The following PCDHGA4 variants were observed in gnomAD, a reference collection of about 807,000 sequenced individuals.
The protein encoded by PCDHGA4 is protocadherin gamma subfamily A, 4.
In PCDHGA4, 38 loss-of-function variants were observed where a neutral mutation model predicts 54.6. That is an observed-to-expected ratio of 0.70 (90% CI 0.54 to 0.91). The LOEUF (loss-of-function observed/expected upper bound fraction) is 0.91, where lower values mean the gene tolerates loss of function less well. Ranked by LOEUF, PCDHGA4 falls within the 40% of genes least tolerant of loss-of-function variation. The pLI is 0.00. For synonymous variants in PCDHGA4, 511 were observed against 512.9 expected, an observed-to-expected ratio of 1.00 and a Z score of 0.05; for missense variants, 1,298 against 1,220.9, an observed-to-expected ratio of 1.06 and a Z score of -0.94.
Position 141,410,699 on chromosome 5 carries a change from A to C in PCDHGA4, c.2514+53078A>C, listed in dbSNP as rs760193148. On this transcript the variant is annotated intron_variant, in intron 1 of 3. Transcript: ENST00000571252. ...ATTTTAGGCATACTACTTTATTTTC[A>C]TATCTAGAATCATATGTTTAAAATC... The C allele has an allele frequency of 2.0e-6, 3 of 1,478,344 alleles. No homozygotes were observed. In the South Asian group the frequency reaches 4.0e-5, roughly 20 times the overall value. The allele number at this position is 1,478,344 out of a possible 1,614,324, so 91.6% of individuals were successfully genotyped here. A position where few individuals can be genotyped will look rare whatever the true frequency, so the allele number is the denominator to read the frequency against.
chr5:141,423,004 G>T lies in PCDHGA4; in HGVS notation c.2514+65383G>T, dbSNP rs1206727312. 2 of 1,614,116 alleles carry T rather than the reference G, an allele frequency of 1.2e-6. No individual in the cohort carries two copies. Among genetic ancestry groups the T allele is most frequent in the African/African-American group, 1.3e-5 (1 of 74,958 alleles). ...ACCTGGCTACCTGGTGACCAAGGTG[G>T]TTGCGGTGGACAAAGATTCAGGCCA... On this transcript the variant is annotated intron_variant, in intron 1 of 3. Transcript: ENST00000571252.
At chr5:141,428,102 G>A (rs774075619) in intron 1 of PCDHGA4, 1 of 1,608,518 alleles carries the variant, frequency 6.2e-7, no homozygotes, top group Non-Finnish European at 8.5e-7. Context: ...CCTACCACGT[G>A]CTGCAGGCCA....
At chr5:141,387,000 C>T (rs1211654185) in intron 1 of PCDHGA4, among the ~76,000 whole-genome samples, 7 of 152,118 alleles carry the variant, frequency 4.6e-5, no homozygotes, top group African/African-American at 1.7e-4. Flanking sequence ...TATTATCCCC[C>T]TGATAACTTT....
intron 1 of PCDHGA4, chr5:141,366,682 C>A: frequency 6.2e-7 from 1 of 1,614,238 alleles, no homozygotes; most frequent in Non-Finnish European, 8.5e-7. Flanking sequence ...GTGAAGAGAG[C>A]TGTGAGAAAA....
chr5:141,365,709 C>G (rs1476757852), intron 1 of PCDHGA4: 2 of 1,613,646 alleles, frequency 1.2e-6, no homozygotes, highest in African/African-American at 2.7e-5. Context: ...TACTCCACCT[C>G]TGTCACAGAA....
At chr5:141,423,745 C>A (rs561499055) in intron 1 of PCDHGA4, 2 of 605,688 alleles carry the variant, frequency 3.3e-6, no homozygotes, top group Non-Finnish European at 4.0e-6. Context: ...GTTATGAAAA[C>A]TGTTTGGGGG....
chr5:141,405,016 C>A (rs538744733), intron 1 of PCDHGA4: 1 of 1,614,006 alleles, frequency 6.2e-7, no homozygotes, highest in African/African-American at 1.3e-5. Flanking sequence ...AGGCCTCAGA[C>A]CTTACCCTCT....
chr5:141,393,745 A>T, intron 1 of PCDHGA4: 1 of 1,613,898 alleles, frequency 6.2e-7, no homozygotes. Context: ...GATTATGAAG[A>T]ATGTTCATTT....
At position 141,477,493 on chromosome 5, in the gene PCDHGA4, A is replaced by G. The variant is rs2154575835; in HGVS notation, c.2515-17314A>G. ...ATGACAACCCTCCACAATCTTCTCA[A>G]TCTTCCTACGACGTTTACATTGAAG... On this transcript the variant is annotated intron_variant, in intron 1 of 3. Transcript: ENST00000571252. This position sits in a 1 kb window ranked among gnomAD's most constrained non-coding sequence, Gnocchi z 4.9. 6.2e-7 allele frequency: 1 copy of G among 1,613,976 alleles called. No individual in the cohort carries two copies. The highest frequency in any genetic ancestry group is 1.6e-4 in the Middle Eastern group (1 of 6,062).
intron 1 of PCDHGA4, chr5:141,396,533 T>A (rs942972836): frequency 2.0e-5 from 3 of 151,264 alleles, no homozygotes; most frequent in African/African-American, 7.3e-5. Flanking sequence ...GGCAGAAGAA[T>A]CACTTGAACC....
At chr5:141,385,779 A>G (rs956234823) in intron 1 of PCDHGA4, 3 of 161,336 alleles carry the variant, frequency 1.9e-5, no homozygotes, top group Admixed American at 1.8e-4. Context: ...GCCTCCATGT[A>G]CCTCAGCTTG....
chr5:141,458,972 GTCC>G (rs2154566422), intron 1 of PCDHGA4, among the ~76,000 whole-genome samples: 1 of 151,882 alleles, frequency 6.6e-6, no homozygotes, highest in East Asian at 1.9e-4. Context: ...GCCTCAAGCA[GTCC>G]TCCTGCCTCA....
rs1225473275 is a variant in PCDHGA4 at position 141,512,442 on chromosome 5, TC to T, written c.*1271del. ...GGCCCCTGCCCTCCTGAAGCCTCAG[TC>T]CTTCACCTTGCCAGGTGCCGTTTCT... is the stretch of plus-strand genomic sequence containing the variant. On this transcript the variant is annotated 3_prime_UTR_variant, in exon 4 of 4. Transcript: ENST00000571252. 1 of 152,892 alleles carries T rather than the reference TC, an allele frequency of 6.5e-6. No individual in the cohort carries two copies. Among genetic ancestry groups the T allele is most frequent in the African/African-American group, 2.4e-5 (1 of 41,466 alleles). 9.5% of individuals were successfully genotyped at this position (152,892 alleles called of 1,614,324 possible).
At chr5:141,471,786 A>G (rs1043196530) in intron 1 of PCDHGA4, among the ~76,000 whole-genome samples, 6 of 152,244 alleles carry the variant, frequency 3.9e-5, no homozygotes, top group African/African-American at 1.4e-4. Flanking sequence ...ACATTATGCT[A>G]TGTCATATAA....
chr5:141,446,797 A>G lies in PCDHGA4; in HGVS notation c.2515-48010A>G, dbSNP rs559881142. ...CCATTCTTTTACTCTGAGTTCTTCC[A>G]TTGTGATCATCTAGTCAGATGGGTA... is the stretch of plus-strand genomic sequence containing the variant. On this transcript the variant is annotated intron_variant, in intron 1 of 3. Coordinates refer to ENST00000571252, the MANE Select transcript of PCDHGA4 (RefSeq NM_018917.4). Among the ~76,000 whole-genome samples, 48 of 152,224 alleles carry G rather than the reference A, an allele frequency of 3.2e-4. No individual in the cohort carries two copies. In the South Asian group the frequency reaches 7.3e-3, roughly 23 times the overall value.
Position 141,388,997 on chromosome 5 carries a change from C to G in PCDHGA4, c.2514+31376C>G. On this transcript the variant is annotated intron_variant, in intron 1 of 3. Transcript: ENST00000571252. ...ATATTGCTTTGCTCAAAGTCCGTGA[C>G]AAGGATTCCAGACACAATGGAGAAG... The G allele has an allele frequency of 1.9e-6, 3 of 1,613,968 alleles. No individual in the cohort carries two copies. The highest frequency in any genetic ancestry group is 2.5e-6 in the Non-Finnish European group (3 of 1,179,880).
At chr5:141,475,132 T>C (rs563015610) in intron 1 of PCDHGA4, among the ~76,000 whole-genome samples, 14 of 152,322 alleles carry the variant, frequency 9.2e-5, no homozygotes, top group African/African-American at 2.6e-4. Context: ...TTTTTTCTTT[T>C]TGAAATCTTC....
In PCDHGA4 at chr5:141,384,637, C is replaced by T. The variant is rs764454496; in HGVS notation, c.2514+27016C>T. On this transcript the variant is annotated intron_variant, in intron 1 of 3. Transcript: ENST00000571252. ...TTCTACTGGCATGGAGCTGGCACCC[C>T]GCTCCGCAGAGCCCGGCTACCTGGT... is the stretch of plus-strand genomic sequence containing the variant. The T allele has an allele frequency of 1.7e-5, 28 of 1,614,114 alleles. No individual in the cohort carries two copies. The highest frequency in any genetic ancestry group is 1.6e-4 in the Middle Eastern group (1 of 6,082).
chr5:141,399,131 A>T, intron 1 of PCDHGA4: 1 of 1,613,856 alleles, frequency 6.2e-7, no homozygotes, highest in African/African-American at 1.3e-5. Context: ...AATATTCAAG[A>T]TGAAAATGAC....
Sources: allele counts gnomAD v4.1 joint callset (sites outside exome capture counted in the v4.1 genomes callset), GRCh38; gene constraint gnomAD v4.1.1; non-coding constraint Gnocchi (gnomAD v3.1); transcripts MANE v1.5; gene names NCBI Gene and HGNC (gene_info 2026-07-23, HGNC 2026-07-21).